The following GMDS variants were observed in gnomAD, a reference collection of about 807,000 sequenced individuals.
GMDS encodes GDP-mannose 4,6-dehydratase.
In GMDS, 20 loss-of-function variants were observed where a neutral mutation model predicts 49.9. The ratio of observed to expected loss-of-function variants is 0.40; its 90% CI spans 0.28 to 0.58. GMDS has a LOEUF of 0.58. Among genes scored for constraint, GMDS ranks in the 20% least tolerant of loss-of-function variants. GMDS has a pLI of 0.42. For synonymous variants in GMDS, 177 were observed against 178.6 expected, an observed-to-expected ratio of 0.99 and a Z score of 0.07; for missense variants, 362 against 481.4, an observed-to-expected ratio of 0.75 and a Z score of 2.32.
chr6:2,215,967 A>C (rs541496921), intron 1 of GMDS, among the ~76,000 whole-genome samples: 1 of 152,324 alleles, frequency 6.6e-6, no homozygotes, highest in South Asian at 2.1e-4. Context: ...TTTACTGTAA[A>C]AAATTTGGAA....
chr6:1,948,475 T>C (rs1286502751), intron 6 of GMDS, among the ~76,000 whole-genome samples: 1 of 152,082 alleles, frequency 6.6e-6, no homozygotes, highest in Non-Finnish European at 1.5e-5. Context: ...ATTAAAAAAA[T>C]ACATGTATCA....
At chr6:2,228,852 A>G (rs1422731242) in intron 1 of GMDS, among the ~76,000 whole-genome samples, 3 of 152,190 alleles carry the variant, frequency 2.0e-5, no homozygotes, top group African/African-American at 4.8e-5. Flanking sequence ...TCCAGGTATG[A>G]CATCTGAGAA....
intron 7 of GMDS, among the ~76,000 whole-genome samples, chr6:1,859,180 TGACC>T (rs1171157120): frequency 6.6e-6 from 1 of 152,194 alleles, no homozygotes. Flanking sequence ...CCCAGGAGTC[TGACC>T]GTAGACATTG....
chr6:1,971,627 C>T (rs376877220), intron 4 of GMDS, among the ~76,000 whole-genome samples: 29 of 152,174 alleles, frequency 1.9e-4, no homozygotes, highest in Non-Finnish European at 3.7e-4. Context: ...AATCCCCAAA[C>T]GCACCCTGCT....
Position 2,191,766 on chromosome 6 carries a change from A to T in GMDS, c.102+53555T>A, listed in dbSNP as rs1779030530. ...CTTGATGCTGGCCTGCAGGTACCCCATGGATGAGCAGCCTGGGTACCACAG... is the reference window on the plus strand; with the variant it reads ...CTTGATGCTGGCCTGCAGGTACCCCTTGGATGAGCAGCCTGGGTACCACAG... On this transcript the variant is annotated intron_variant, in intron 1 of 10. Transcript: ENST00000380815. The surrounding 1 kb of genome is among the most constrained non-coding windows in gnomAD (Gnocchi z 4.6). 6.6e-6 allele frequency among the ~76,000 whole-genome samples: 1 copy of T among 152,184 alleles called. No homozygotes were observed. The highest frequency in any genetic ancestry group is 1.5e-5 in the Non-Finnish European group (1 of 68,024).
intron 7 of GMDS, among the ~76,000 whole-genome samples, chr6:1,854,394 C>T (rs976894782): frequency 6.6e-6 from 1 of 152,208 alleles, no homozygotes; most frequent in Non-Finnish European, 1.5e-5. Flanking sequence ...ACACAACACG[C>T]TGATGACAAA....
chr6:1,647,445 G>A (rs1763521607), intron 9 of GMDS, among the ~76,000 whole-genome samples: 1 of 152,180 alleles, frequency 6.6e-6, no homozygotes, highest in South Asian at 2.1e-4. Flanking sequence ...GAAGGGTCTG[G>A]AAGCTGATAC....
intron 2 of GMDS, among the ~76,000 whole-genome samples, chr6:2,123,179 T>A (rs1400626489): frequency 6.6e-6 from 1 of 152,132 alleles, no homozygotes; most frequent in Non-Finnish European, 1.5e-5. Flanking sequence ...CATCTACACA[T>A]CCAAACTCGC....
In GMDS at chr6:2,245,259, G is replaced by C. The variant is rs1189008582; in HGVS notation, c.102+62C>G. ...GAGACCGCAGCCCACGAGTAGCGGCGCGTAGGGAGAGCACGCGTGCCCAGG... is the reference window on the plus strand; with the variant it reads ...GAGACCGCAGCCCACGAGTAGCGGCCCGTAGGGAGAGCACGCGTGCCCAGG... On this transcript the variant is annotated intron_variant, in intron 1 of 10. Coordinates refer to ENST00000380815, the MANE Select transcript of GMDS (RefSeq NM_001500.4). 11 of 1,113,062 alleles carry C rather than the reference G, an allele frequency of 9.9e-6. No individual in the cohort carries two copies. In the East Asian group the frequency reaches 2.1e-4, roughly 21 times the overall value. 68.9% of individuals were successfully genotyped at this position (1,113,062 alleles called of 1,614,324 possible).
chr6:2,033,211 A>G (rs1769078468), intron 4 of GMDS, among the ~76,000 whole-genome samples: 1 of 152,210 alleles, frequency 6.6e-6, no homozygotes. Flanking sequence ...TCAATAATGC[A>G]ATGATTCATT....
At chr6:2,069,795 T>G (rs1326891828) in intron 4 of GMDS, among the ~76,000 whole-genome samples, 1 of 151,926 alleles carries the variant, frequency 6.6e-6, no homozygotes, top group African/African-American at 2.4e-5. Flanking sequence ...TGTGGAGAAA[T>G]AGGAACACTT....
intron 7 of GMDS, among the ~76,000 whole-genome samples, chr6:1,868,345 T>C (rs764565654): frequency 1.8e-4 from 27 of 152,290 alleles, no homozygotes; most frequent in Middle Eastern, 6.8e-3. Context: ...CTATTCTAAG[T>C]GTCTAATCAG....
At chr6:1,954,707 A>C (rs760897047) in intron 6 of GMDS, among the ~76,000 whole-genome samples, 1 of 152,246 alleles carries the variant, frequency 6.6e-6, no homozygotes, top group African/African-American at 2.4e-5. Context: ...CGATAAAAGC[A>C]GTCACATCTT....
At chr6:1,878,314 C>CAAAAAA (rs11463549) in intron 7 of GMDS, among the ~76,000 whole-genome samples, 3 of 72,536 alleles carry the variant, frequency 4.1e-5, no homozygotes, top group African/African-American at 5.6e-5. Context: ...GAATCCATCT[C>CAAAAAA]AAAAAAAAAA....
chr6:2,067,198 G>C (rs1204049243), intron 4 of GMDS, among the ~76,000 whole-genome samples: 1 of 151,980 alleles, frequency 6.6e-6, no homozygotes, highest in Non-Finnish European at 1.5e-5. Context: ...CAGAAATAAA[G>C]ATGTTCTTTG....
At chr6:2,126,395 T>C (rs774986717) in intron 1 of GMDS, among the ~76,000 whole-genome samples, 1 of 152,098 alleles carries the variant, frequency 6.6e-6, no homozygotes, top group African/African-American at 2.4e-5. Context: ...TAAATATCCC[T>C]TAGAGCTTCA....
At chr6:1,701,181 C>T (rs1408682273) in intron 9 of GMDS, among the ~76,000 whole-genome samples, 1 of 152,178 alleles carries the variant, frequency 6.6e-6, no homozygotes, top group Non-Finnish European at 1.5e-5. Context: ...GCGTGGAGTA[C>T]ATCAATCTGT....
intron 7 of GMDS, among the ~76,000 whole-genome samples, chr6:1,846,080 CTTTT>C (rs11298909): frequency 2.5e-5 from 3 of 121,662 alleles, no homozygotes; most frequent in African/African-American, 6.1e-5. Flanking sequence ...CACCATGTTT[CTTTT>C]TTTTTTTTTT....
intron 7 of GMDS, among the ~76,000 whole-genome samples, chr6:1,821,095 A>G (rs1770868683): frequency 6.6e-6 from 1 of 152,236 alleles, no homozygotes; most frequent in Admixed American, 6.5e-5. Context: ...ACTGCAACCA[A>G]TTATAGCTAT....
Sources: gnomAD v4.1 joint callset for allele counts (sites outside exome capture counted in the v4.1 genomes callset) on GRCh38, gnomAD v4.1.1 for gene constraint, Gnocchi (gnomAD v3.1) non-coding constraint, MANE v1.5 for transcripts, NCBI Gene and HGNC (gene_info 2026-07-23, HGNC 2026-07-21) for gene names.